Variants in SAMMSON observed in about 807,000 individuals in gnomAD.
SAMMSON encodes the protein long intergenic non-protein coding RNA 1212.
At chr3:70,088,422 G>C (rs1294282049) in intron 4 of SAMMSON, among the ~76,000 whole-genome samples, 1 of 152,194 alleles carries the variant, frequency 6.6e-6, no homozygotes, top group Non-Finnish European at 1.5e-5. Flanking sequence ...GAGGAAGGCA[G>C]AAATAACAGA....
intron 4 of SAMMSON, among the ~76,000 whole-genome samples, chr3:70,234,409 G>A (rs975518443): frequency 1.3e-5 from 2 of 152,096 alleles, no homozygotes; most frequent in African/African-American, 4.8e-5. Flanking sequence ...AGCACTTTGG[G>A]AAGCTGAGGT....
Position 70,274,889 on chromosome 3 carries a change from G to A in SAMMSON, n.675-16290G>A, listed in dbSNP as rs577591448. Among the ~76,000 whole-genome samples the A allele has an allele frequency of 5.9e-5, 9 of 152,226 alleles. No individual in the cohort carries two copies. The East Asian group carries it at 1.7e-3, about 29-fold the overall frequency. On this transcript the variant is annotated intron_variant and non_coding_transcript_variant, in intron 6 of 9. Transcript: ENST00000642114. ...TCCTACTATTCTTTCTGTAAACTCTGGGATTTGCTCTGTTAAAGATCTTTA... is the reference window on the plus strand; with the variant it reads ...TCCTACTATTCTTTCTGTAAACTCTAGGATTTGCTCTGTTAAAGATCTTTA...
At chr3:70,385,162 A>T (rs116414008) in intron 9 of SAMMSON, among the ~76,000 whole-genome samples, 2 of 152,098 alleles carry the variant, frequency 1.3e-5, no homozygotes, top group Non-Finnish European at 2.9e-5. Flanking sequence ...TAGTTTCAGC[A>T]TCTGGGTTCC....
chr3:70,217,639 C>G lies in SAMMSON; in HGVS notation n.508-31468C>G, dbSNP rs531863526. The stretch of plus-strand genomic sequence containing the variant: ...GAGGTAGAAGGTGTTTTCATATCCA[C>G]CACCTTTCTGTGGAAGTTTTGTTTC... On this transcript the variant is annotated intron_variant and non_coding_transcript_variant, in intron 4 of 9. Transcript: ENST00000642114. 8.5e-5 allele frequency among the ~76,000 whole-genome samples: 13 copies of G among 152,248 alleles called. 1 individual carries two copies. The South Asian group carries it at 2.5e-3, about 29-fold the overall frequency.
At chr3:70,333,766 A>G (rs1702642343) in intron 7 of SAMMSON, among the ~76,000 whole-genome samples, 1 of 152,120 alleles carries the variant, frequency 6.6e-6, no homozygotes, top group African/African-American at 2.4e-5. Context: ...TCCTGCTTAA[A>G]CCCCTTTAAC....
downstream of SAMMSON, among the ~76,000 whole-genome samples, chr3:70,390,309 G>C (rs1701034225): frequency 6.6e-6 from 1 of 152,036 alleles, no homozygotes; most frequent in Middle Eastern, 3.2e-3. Flanking sequence ...CAACTTGGTA[G>C]AAAATATCAA....
chr3:70,242,896 G>T (rs1453461003), intron 4 of SAMMSON, among the ~76,000 whole-genome samples: 1 of 152,080 alleles, frequency 6.6e-6, no homozygotes, highest in Admixed American at 6.6e-5. Flanking sequence ...GGAGGGGTTT[G>T]GTGGCAGGGG....
intron 6 of SAMMSON, among the ~76,000 whole-genome samples, chr3:70,254,651 T>C (rs1438047894): frequency 6.6e-6 from 1 of 152,098 alleles, no homozygotes; most frequent in Non-Finnish European, 1.5e-5. Context: ...TACCTAGAAG[T>C]TTACTATTTA....
chr3:70,046,027 A>G (rs1159204120), intron 3 of SAMMSON, among the ~76,000 whole-genome samples: 2 of 152,152 alleles, frequency 1.3e-5, no homozygotes, highest in East Asian at 1.9e-4. Flanking sequence ...TTTAAAATGC[A>G]AGTAATCTTT....
intron 4 of SAMMSON, among the ~76,000 whole-genome samples, chr3:70,089,992 A>T (rs1415662866): frequency 2.6e-5 from 4 of 152,126 alleles, no homozygotes; most frequent in Non-Finnish European, 5.9e-5. Context: ...GGAGTATCCC[A>T]TAATAATGAA....
At chr3:70,190,267 T>A (rs1158123383) in intron 4 of SAMMSON, among the ~76,000 whole-genome samples, 1 of 152,216 alleles carries the variant, frequency 6.6e-6, no homozygotes, top group African/African-American at 2.4e-5. Flanking sequence ...ACCATCCTAT[T>A]TCAAGCCTTC....
chr3:70,404,446 C>G (rs1341238475), intron 2 of SAMMSON, among the ~76,000 whole-genome samples: 1 of 152,036 alleles, frequency 6.6e-6, no homozygotes, highest in Non-Finnish European at 1.5e-5. Context: ...CCGGTAGACA[C>G]AGAAGACCAG....
At chr3:70,000,358 C>T (rs2066901155) in intron 1 of SAMMSON, among the ~76,000 whole-genome samples, 1 of 152,190 alleles carries the variant, frequency 6.6e-6, no homozygotes, top group Admixed American at 6.5e-5. Flanking sequence ...CGTACCGTTT[C>T]ACTTGTGATA....
At chr3:70,316,591 A>C (rs1702495700) in intron 7 of SAMMSON, among the ~76,000 whole-genome samples, 3 of 152,132 alleles carry the variant, frequency 2.0e-5, no homozygotes, top group Admixed American at 2.0e-4. Flanking sequence ...CAAATATTGC[A>C]CATTAAAAGA....
At chr3:70,316,122 T>C (rs971889040) in intron 7 of SAMMSON, among the ~76,000 whole-genome samples, 2 of 152,156 alleles carry the variant, frequency 1.3e-5, no homozygotes, top group Non-Finnish European at 1.5e-5. Context: ...AATATAATCT[T>C]TAAGGGCAAA....
At chr3:70,035,454 A>G (rs1221448006) in intron 3 of SAMMSON, among the ~76,000 whole-genome samples, 3 of 152,130 alleles carry the variant, frequency 2.0e-5, no homozygotes, top group Non-Finnish European at 4.4e-5. Flanking sequence ...GTCCCTTCAT[A>G]TCAGTATATA....
chr3:70,354,548 G>T (rs1462854688), intron 8 of SAMMSON, among the ~76,000 whole-genome samples: 1 of 152,188 alleles, frequency 6.6e-6, no homozygotes, highest in Non-Finnish European at 1.5e-5. Flanking sequence ...TGACGAAAAT[G>T]GTGGTGGTGC....
chr3:70,378,488 C>T (rs1320774818), intron 9 of SAMMSON, among the ~76,000 whole-genome samples: 1 of 151,852 alleles, frequency 6.6e-6, no homozygotes, highest in Non-Finnish European at 1.5e-5. Flanking sequence ...GGTAAATAGG[C>T]TTATTTTAGT....
At chr3:70,280,298 G>A (rs1228037353) in intron 6 of SAMMSON, among the ~76,000 whole-genome samples, 2 of 152,042 alleles carry the variant, frequency 1.3e-5, no homozygotes, top group Admixed American at 6.5e-5. Flanking sequence ...ATCTCTCCAC[G>A]TCAGGATCCT....
Sources: allele counts gnomAD v4.1 joint callset (sites outside exome capture counted in the v4.1 genomes callset), GRCh38; gene constraint gnomAD v4.1.1; transcripts MANE v1.5; gene names NCBI Gene and HGNC (gene_info 2026-07-23, HGNC 2026-07-21).